The following COBL variants were observed in gnomAD, a reference collection of about 807,000 sequenced individuals.
COBL encodes the protein protein cordon-bleu.
COBL carries 51 observed loss-of-function variants against 98.8 expected under a neutral mutation model. The observed-to-expected ratio is 0.52, with a 90% confidence interval of 0.41 to 0.65. The LOEUF is 0.65. Among genes scored for constraint, COBL ranks in the 30% least tolerant of loss-of-function variants. COBL has a pLI of 0.00. For synonymous variants in COBL, 634 were observed against 651.7 expected, an observed-to-expected ratio of 0.97 and a Z score of 0.41; for missense variants, 1,617 against 1,617.5, an observed-to-expected ratio of 1.00 and a Z score of 0.01.
intron 2 of COBL, among the ~76,000 whole-genome samples, chr7:51,217,862 C>A (rs1268156465): frequency 6.6e-6 from 1 of 152,214 alleles, no homozygotes; most frequent in Non-Finnish European, 1.5e-5. Flanking sequence ...CTCACAGAAA[C>A]TCCTGTCTCT....
chr7:51,277,388 C>G (rs1256524585), intron 1 of COBL, among the ~76,000 whole-genome samples: 1 of 152,164 alleles, frequency 6.6e-6, no homozygotes, highest in Non-Finnish European at 1.5e-5. Flanking sequence ...ATAGAGCAAA[C>G]ACACCTGTTA....
chr7:51,024,216 G>A (rs1008362835), intron 12 of COBL, among the ~76,000 whole-genome samples: 3 of 152,104 alleles, frequency 2.0e-5, no homozygotes, highest in African/African-American at 7.2e-5. Context: ...GGCTGAGGCA[G>A]GAGAATGGCA....
chr7:51,071,192 A>T (rs1792514478), intron 7 of COBL: 1 of 152,226 alleles, frequency 6.6e-6, no homozygotes, highest in Non-Finnish European at 1.5e-5. Flanking sequence ...AGAAACAGAC[A>T]TGGCTTATAA....
intron 2 of COBL, among the ~76,000 whole-genome samples, chr7:51,213,246 C>T (rs1236811184): frequency 6.6e-6 from 1 of 152,162 alleles, no homozygotes; most frequent in Non-Finnish European, 1.5e-5. Context: ...AGACGAGGAC[C>T]AGTCAACGGT....
chr7:51,224,587 C>T (rs902813096), intron 1 of COBL, among the ~76,000 whole-genome samples: 1 of 152,100 alleles, frequency 6.6e-6, no homozygotes, highest in Admixed American at 6.6e-5. Flanking sequence ...AAATGCTGTA[C>T]TGCACATCAC....
chr7:51,077,535 C>T (rs1200537866), intron 7 of COBL, among the ~76,000 whole-genome samples: 4 of 152,250 alleles, frequency 2.6e-5, no homozygotes, highest in Non-Finnish European at 5.9e-5. Context: ...CACACCTTCA[C>T]ACTTGCCCTA....
chr7:51,287,845 A>G, intron 1 of COBL, among the ~76,000 whole-genome samples: 1 of 151,496 alleles, frequency 6.6e-6, no homozygotes, highest in East Asian at 1.9e-4. Context: ...AAAAAAAAAG[A>G]AAAAAAAATG....
intron 7 of COBL, 51 bp from the exon 8 acceptor site, chr7:51,043,743 T>C (rs1789429742): frequency 2.0e-6 from 3 of 1,512,358 alleles, no homozygotes; most frequent in East Asian, 2.3e-5. Flanking sequence ...CTGGCGTCCA[T>C]ACTGCCTAAC....
intron 6 of COBL, among the ~76,000 whole-genome samples, chr7:51,133,059 T>C (rs1036568594): frequency 1.3e-5 from 2 of 152,012 alleles, no homozygotes; most frequent in African/African-American, 2.4e-5. Flanking sequence ...CTAACCCAAA[T>C]GCAAGAGCAG....
At position 51,268,027 on chromosome 7, in the gene COBL, C is replaced by G. The variant is rs548057851; in HGVS notation, c.42-48083G>C. Among the ~76,000 whole-genome samples, 9 of 152,268 alleles carry G rather than the reference C, an allele frequency of 5.9e-5. No individual in the cohort carries two copies. In the South Asian group the frequency reaches 1.9e-3, roughly 32 times the overall value. On this transcript the variant is annotated intron_variant, in intron 1 of 12. Coordinates refer to ENST00000265136, the MANE Select transcript of COBL (RefSeq NM_015198.5). ...TACTTTATCAAGTGGAAGATCCCTG[C>G]CCTGGTATCTGGTATTGGTGGTAGA...
At chr7:51,176,459 T>C (rs1447525223) in intron 5 of COBL, among the ~76,000 whole-genome samples, 1 of 152,082 alleles carries the variant, frequency 6.6e-6, no homozygotes, top group East Asian at 1.9e-4. Context: ...TTGAGTCCTC[T>C]GTTCTCTCTA....
chr7:51,262,503 C>A (rs1252431675), intron 1 of COBL, among the ~76,000 whole-genome samples: 1 of 152,158 alleles, frequency 6.6e-6, no homozygotes, highest in African/African-American at 2.4e-5. Context: ...GGGTCTGAGA[C>A]CCTCAGGGAA....
intron 1 of COBL, among the ~76,000 whole-genome samples, chr7:51,269,577 G>A (rs1422581363): frequency 2.6e-5 from 4 of 152,178 alleles, no homozygotes; most frequent in Non-Finnish European, 5.9e-5. Flanking sequence ...CCCCTGCTCC[G>A]GCCACTGCTC....
intron 2 of COBL, among the ~76,000 whole-genome samples, chr7:51,210,106 G>A (rs917909871): frequency 1.3e-5 from 2 of 152,112 alleles, no homozygotes; most frequent in African/African-American, 4.8e-5. Context: ...TGTGCCAAAT[G>A]GATCTCCACA....
Position 51,029,250 on chromosome 7 carries a change from AT to A in COBL, c.1845del (p.Leu615PhefsTer10). 1 of 1,613,160 alleles carries A rather than the reference AT, an allele frequency of 6.2e-7. No individual in the cohort carries two copies. The highest frequency in any genetic ancestry group is 8.5e-7 in the Non-Finnish European group (1 of 1,179,506). On this transcript the variant is annotated frameshift_variant, in exon 10 of 13. Transcript: ENST00000265136. LOFTEE classifies it high-confidence loss of function. ...AGATTCCCATCTTTAGAGATGTTAG[AT>A]AAGGCCACACGGATTCCTTTTCCGA... ...HDVGKGIRVA[L>X]SNISKDGNLM...
chr7:51,254,942 A>C (rs1198600999), intron 1 of COBL, among the ~76,000 whole-genome samples: 1 of 152,182 alleles, frequency 6.6e-6, no homozygotes, highest in East Asian at 1.9e-4. Context: ...ACAATACTTA[A>C]AAAGTTACAT....
rs372525555 is a variant in COBL, at chr7:51,017,560, C to A, written c.3777G>T (p.Leu1259Phe). The A allele has an allele frequency of 1.9e-6, 3 of 1,613,878 alleles. No homozygotes were observed. The African/African-American group carries it at 4.0e-5, about 22-fold the overall frequency. Residue 1259 changes from leucine to phenylalanine, a missense_variant, in exon 13 of 13, where the codon TTG becomes TTT. Leu to Phe is a conservative substitution (Grantham distance 22, BLOSUM62 0). Transcript: ENST00000265136. The stretch of plus-strand genomic sequence containing the variant: ...TCTGGCCTCTGTTCATTCACACGAG[C>A]AAGGGCACCTGCAGGGAAGAGAGAT... ...TGAARLRKVP[L>F]LV
At position 51,155,564 on chromosome 7, in the gene COBL, T is replaced by C. The variant is rs549069483; in HGVS notation, c.784-19233A>G. Among the ~76,000 whole-genome samples, 144 of 115,890 alleles carry C rather than the reference T, an allele frequency of 1.2e-3. 2 individuals are homozygous for C. In the South Asian group the frequency reaches 0.035, roughly 28 times the overall value. The allele number at this position is 115,890 out of a possible 152,430, so 76.0% of individuals were successfully genotyped here. A position where few individuals can be genotyped will look rare whatever the true frequency, so the allele number is the denominator to read the frequency against. On this transcript the variant is annotated intron_variant, in intron 5 of 12. Transcript: ENST00000265136. ...GAGATCATGCCACTGCACTCCAGCC[T>C]AGGTGACAGAGCAAGACTCCATCTC...
rs1331274901 is a variant in COBL at position 51,028,363 on chromosome 7, T to G, written c.2733A>C (p.Lys911Asn). The change falls in exon 10 of 13, where the codon AAA becomes AAC. Residue 911 changes from lysine to asparagine, a missense_variant. Physicochemically the swap from Lys to Asn is moderately conservative, Grantham distance 94. Coordinates refer to ENST00000265136, the MANE Select transcript of COBL (RefSeq NM_015198.5). ...AGTGTGGGCTGGATGTCCTGTCATC[T>G]TTCACAGTGACAGGTGGTGCAGCCA... ...PVLAAPPVTV[K>N]DDRTSSPHSE... 1 of 1,614,158 alleles carries G rather than the reference T, an allele frequency of 6.2e-7. No individual in the cohort carries two copies. Among genetic ancestry groups the G allele is most frequent in the African/African-American group, 1.3e-5 (1 of 74,950 alleles).
Sources: allele counts gnomAD v4.1 joint callset (sites outside exome capture counted in the v4.1 genomes callset), GRCh38; gene constraint gnomAD v4.1.1; transcripts MANE v1.5; gene names NCBI Gene and HGNC (gene_info 2026-07-23, HGNC 2026-07-21).